PLAAT3: variants seen among roughly 807,000 people sequenced by gnomAD.
PLAAT3 encodes Ca-independent phospholipase A1/2.
Under a neutral mutation model 16.7 loss-of-function variants are expected in PLAAT3, and 21 were observed. That is an observed-to-expected ratio of 1.26 (90% CI 0.89 to 1.81). The LOEUF (loss-of-function observed/expected upper bound fraction) is 1.81, where lower values mean the gene tolerates loss of function less well. Ranked by LOEUF, PLAAT3 falls within the 40% of genes most tolerant of loss-of-function variation. PLAAT3 has a pLI of 0.00. For missense variants in PLAAT3, 219 were observed against 213.7 expected, an observed-to-expected ratio of 1.02 and a Z score of -0.16; for synonymous variants, 76 against 81.7, an observed-to-expected ratio of 0.93 and a Z score of 0.38.
At chr11:63,594,404 A>G (rs1938231002) in intron 3 of PLAAT3, among the ~76,000 whole-genome samples, 1 of 152,136 alleles carries the variant, frequency 6.6e-6, no homozygotes. Flanking sequence ...ACCAAAAAAG[A>G]AGGGCCCAGA....
intron 2 of PLAAT3, among the ~76,000 whole-genome samples, chr11:63,600,914 C>T (rs1938410903): frequency 1.3e-5 from 2 of 151,710 alleles, no homozygotes; most frequent in Admixed American, 1.3e-4. Context: ...TACTCTTCTA[C>T]ATCCTGAATG....
At chr11:63,580,854 G>C (rs1189792585) in intron 4 of PLAAT3, among the ~76,000 whole-genome samples, 1 of 152,204 alleles carries the variant, frequency 6.6e-6, no homozygotes, top group African/African-American at 2.4e-5. Context: ...GTTGTGGAAA[G>C]TCGGGGACCC....
chr11:63,582,279 A>G (rs1335615055), intron 4 of PLAAT3, among the ~76,000 whole-genome samples: 1 of 152,220 alleles, frequency 6.6e-6, no homozygotes, highest in African/African-American at 2.4e-5. Flanking sequence ...CAGAGAATGC[A>G]ATCCAAGAGA....
intron 4 of PLAAT3, among the ~76,000 whole-genome samples, chr11:63,587,462 T>A (rs1938011730): frequency 6.6e-6 from 1 of 151,926 alleles, no homozygotes; most frequent in African/African-American, 2.4e-5. Flanking sequence ...CCTAGAATTC[T>A]ATACCCAGCC....
intron 3 of PLAAT3, among the ~76,000 whole-genome samples, chr11:63,594,905 G>A (rs754955530): frequency 4.6e-5 from 7 of 152,090 alleles, no homozygotes; most frequent in South Asian, 4.1e-4. Context: ...GGGGGTACAT[G>A]GGTAAGGGGC....
chr11:63,578,861 A>C (rs1937703555), intron 4 of PLAAT3, among the ~76,000 whole-genome samples: 1 of 151,634 alleles, frequency 6.6e-6, no homozygotes, highest in Non-Finnish European at 1.5e-5. Context: ...CGAAAGCCAA[A>C]ATTGACAAAT....
chr11:63,608,136 C>T (rs1007908876), intron 2 of PLAAT3, among the ~76,000 whole-genome samples: 2 of 152,118 alleles, frequency 1.3e-5, no homozygotes, highest in South Asian at 2.1e-4. Context: ...GAGCCGAGAT[C>T]GTGCCACTGC....
chr11:63,583,491 G>T (rs1937881089), intron 4 of PLAAT3, among the ~76,000 whole-genome samples: 2 of 152,224 alleles, frequency 1.3e-5, no homozygotes, highest in South Asian at 4.1e-4. Flanking sequence ...TAACCTCATT[G>T]TTTGTGGCCA....
At chr11:63,586,141 T>C (rs1267708726) in intron 4 of PLAAT3, among the ~76,000 whole-genome samples, 1 of 152,124 alleles carries the variant, frequency 6.6e-6, no homozygotes, top group African/African-American at 2.4e-5. Flanking sequence ...TGCACGTGTA[T>C]GTGTGTGTTT....
chr11:63,583,535 A>G (rs1173941109), intron 4 of PLAAT3, among the ~76,000 whole-genome samples: 2 of 152,250 alleles, frequency 1.3e-5, no homozygotes, highest in South Asian at 2.1e-4. Context: ...ATGATTAAAC[A>G]CAAGACTGTT....
At chr11:63,615,842 AT>A (rs1225217825), upstream of PLAAT3, among the ~76,000 whole-genome samples, 1 of 150,302 alleles carries the variant, frequency 6.7e-6, no homozygotes, top group Non-Finnish European at 1.5e-5. Context: ...TAATTTTTGT[AT>A]TTTTAGTAGA....
At chr11:63,595,581 G>A (rs1038076244) in intron 3 of PLAAT3, among the ~76,000 whole-genome samples, 1 of 152,166 alleles carries the variant, frequency 6.6e-6, no homozygotes. Context: ...AAGCTAGAAT[G>A]ATGGTTGCCT....
At chr11:63,589,768 A>G (rs894499682) in intron 4 of PLAAT3, among the ~76,000 whole-genome samples, 10 of 152,186 alleles carry the variant, frequency 6.6e-5, no homozygotes, top group Non-Finnish European at 1.2e-4. Flanking sequence ...CCCAATCTGT[A>G]AGGTAGTGGG....
Position 63,592,233 on chromosome 11 carries a change from C to T in PLAAT3, c.119-1865G>A, listed in dbSNP as rs138745422. Among the ~76,000 whole-genome samples, 4 of 152,080 alleles carry T rather than the reference C, an allele frequency of 2.6e-5. No individual in the cohort carries two copies. The East Asian group carries it at 7.7e-4, about 29-fold the overall frequency. ...CCAGGCTGAAATGCAGTGGTGTGATCTTGGCTCGCTGCAACCTCCTCCTCC... is the reference window on the plus strand; with the variant it reads ...CCAGGCTGAAATGCAGTGGTGTGATTTTGGCTCGCTGCAACCTCCTCCTCC... On this transcript the variant is annotated intron_variant, in intron 3 of 4. Transcript: ENST00000415826.
At chr11:63,606,393 G>A (rs2134428833) in intron 2 of PLAAT3, among the ~76,000 whole-genome samples, 1 of 149,494 alleles carries the variant, frequency 6.7e-6, no homozygotes, top group African/African-American at 2.5e-5. Flanking sequence ...GACCAGCCTC[G>A]CCAACATGGC....
intron 4 of PLAAT3, among the ~76,000 whole-genome samples, chr11:63,577,378 G>A (rs1311147258): frequency 1.3e-5 from 2 of 152,026 alleles, no homozygotes; most frequent in Non-Finnish European, 2.9e-5. Context: ...CACCATATTG[G>A]CCAGGCTGCT....
intron 3 of PLAAT3, among the ~76,000 whole-genome samples, chr11:63,596,314 C>CTTCAGG (rs1938288551): frequency 7.3e-6 from 1 of 137,362 alleles, no homozygotes; most frequent in South Asian, 2.4e-4. Context: ...CACATCAAAA[C>CTTCAGG]AGAGCTTCGT....
chr11:63,595,658 GA>G (rs1938270731), intron 3 of PLAAT3, among the ~76,000 whole-genome samples: 2 of 152,136 alleles, frequency 1.3e-5, no homozygotes, highest in African/African-American at 4.8e-5. Context: ...GGCACAGTGG[GA>G]ATGTTCTAGA....
At chr11:63,599,944 A>C (rs1159968468) in intron 2 of PLAAT3, among the ~76,000 whole-genome samples, 1 of 152,130 alleles carries the variant, frequency 6.6e-6, no homozygotes, top group Non-Finnish European at 1.5e-5. Flanking sequence ...GCTCCACATA[A>C]ACACCAATGA....
Sources: gnomAD v4.1 joint callset for allele counts (sites outside exome capture counted in the v4.1 genomes callset) on GRCh38, gnomAD v4.1.1 for gene constraint, MANE v1.5 for transcripts, NCBI Gene and HGNC (gene_info 2026-07-23, HGNC 2026-07-21) for gene names.